Variants in PNKD observed in about 807,000 individuals in gnomAD.
The protein encoded by PNKD is probable thioesterase PNKD.
PNKD carries 36 observed loss-of-function variants against 45.3 expected under a neutral mutation model. That is an observed-to-expected ratio of 0.80 (90% CI 0.61 to 1.05). The LOEUF (loss-of-function observed/expected upper bound fraction) is 1.05, where lower values mean the gene tolerates loss of function less well. PNKD is among the 50% of genes least tolerant of loss of function. The pLI is 0.00. For synonymous variants in PNKD, 197 were observed against 210.1 expected (o/e 0.94, Z 0.54); for missense variants, 511 against 506.6 (o/e 1.01, Z -0.08).
rs372191275 is a variant in PNKD at position 218,344,926 on chromosome 2, G to A, written c.1103G>A (p.Arg368Gln). Residue 368 changes from arginine (R) to glutamine (Q), a missense_variant, in exon 10 of 10, where the codon CGG (arginine) becomes CAG (glutamine). Arg to Gln is a conservative substitution (Grantham distance 43, BLOSUM62 1). Coordinates refer to ENST00000273077, the MANE Select transcript of PNKD (RefSeq NM_015488.5). ...CCCACTGGGGATGATGACTACTCCC[G>A]GGCCCAGCTCCTGGAAGAGCTCCGC... ...PGPTGDDDYS[R>Q]AQLLEELRRL... The A allele has an allele frequency of 5.2e-5, 84 of 1,613,848 alleles. No homozygotes were observed. Among genetic ancestry groups the A allele is most frequent in the Non-Finnish European group, 5.0e-5 (59 of 1,179,948 alleles).
intron 1 of PNKD, chr2:218,271,044 G>T (rs773439009): frequency 3.1e-5 from 15 of 478,990 alleles, no homozygotes; most frequent in Non-Finnish European, 5.3e-5. Context: ...GCTAACATTT[G>T]CAGTTTCAAA....
chr2:218,307,504 G>T (rs765638127), intron 2 of PNKD, among the ~76,000 whole-genome samples: 1 of 152,108 alleles, frequency 6.6e-6, no homozygotes, highest in South Asian at 2.1e-4. Context: ...ACAATAGGGT[G>T]CGAGCTCCTA....
chr2:218,290,166 A>C (rs1692839914), intron 2 of PNKD: 1 of 152,230 alleles, frequency 6.6e-6, no homozygotes, highest in African/African-American at 2.4e-5. Context: ...TGAGTGCTGG[A>C]AACAGATGAC....
intron 2 of PNKD, among the ~76,000 whole-genome samples, chr2:218,323,007 A>T (rs1404228864): frequency 1.3e-5 from 2 of 150,536 alleles, no homozygotes; most frequent in African/African-American, 4.9e-5. Context: ...CGATCAGCGC[A>T]GGCTCGCGGC....
intron 2 of PNKD, chr2:218,282,006 C>G: frequency 6.2e-7 from 1 of 1,607,606 alleles, no homozygotes; most frequent in Non-Finnish European, 8.5e-7. Flanking sequence ...TGACCGTAGC[C>G]AGGCTGCGGG....
chr2:218,295,116 T>C (rs1431271332), intron 2 of PNKD, among the ~76,000 whole-genome samples: 1 of 152,196 alleles, frequency 6.6e-6, no homozygotes, highest in African/African-American at 2.4e-5. Flanking sequence ...TCCAGAGCCC[T>C]TTTTCTGACT....
chr2:218,297,188 G>C (rs998272996), intron 2 of PNKD, among the ~76,000 whole-genome samples: 1 of 152,196 alleles, frequency 6.6e-6, no homozygotes, highest in Non-Finnish European at 1.5e-5. Context: ...TGATAGATGT[G>C]TGGGGGATAG....
intron 2 of PNKD, among the ~76,000 whole-genome samples, chr2:218,338,850 T>C (rs1347747818): frequency 6.9e-6 from 1 of 145,606 alleles, no homozygotes; most frequent in Non-Finnish European, 1.5e-5. Flanking sequence ...TGGAGTACAG[T>C]GGTGCAATCA....
At chr2:218,270,913 T>A in intron 1 of PNKD, 1 of 361,200 alleles carries the variant, frequency 2.8e-6, no homozygotes, top group Non-Finnish European at 5.0e-6. Context: ...GAGGTTTGAG[T>A]TCCAGCCCCG....
intron 2 of PNKD, among the ~76,000 whole-genome samples, chr2:218,335,153 T>C (rs79745234): frequency 6.7e-6 from 1 of 149,226 alleles, no homozygotes; most frequent in African/African-American, 2.4e-5. Context: ...CCCATCTCTT[T>C]AAAAAATAAA....
intron 2 of PNKD, among the ~76,000 whole-genome samples, chr2:218,299,590 A>T: frequency 6.6e-6 from 1 of 150,550 alleles, no homozygotes; most frequent in Non-Finnish European, 1.5e-5. Flanking sequence ...GACCACAGGC[A>T]CACACCACTG....
Position 218,340,824 on chromosome 2 carries a change from C to A in PNKD, c.524+38C>A. 1 of 1,577,676 alleles carries A rather than the reference C, an allele frequency of 6.3e-7. No individual in the cohort carries two copies. The highest frequency in any genetic ancestry group is 8.7e-7 in the Non-Finnish European group (1 of 1,146,846). On this transcript the variant is annotated intron_variant, in intron 5 of 9. Transcript: ENST00000273077. This position sits in a 1 kb window ranked among gnomAD's most constrained non-coding sequence, Gnocchi z 4.2. ...CGTCTTCCCTGGCCCACCCTTGTCC[C>A]AGCTGGGCTTGCCAGGACTGGGCCC...
rs1694800881 is a variant in PNKD at position 218,345,250 on chromosome 2, C to T, written c.*269C>T. On this transcript the variant is annotated 3_prime_UTR_variant, in exon 10 of 10. Coordinates refer to ENST00000273077, the MANE Select transcript of PNKD (RefSeq NM_015488.5). ...GAGGGGTCTCGGGACATCTCCAGAC[C>T]CTACCAACTGGGAGGGTCCCCTCCT... 1 of 452,866 alleles carries T rather than the reference C, an allele frequency of 2.2e-6. No individual in the cohort carries two copies. The allele number at this position is 452,866 out of a possible 1,614,324, so 28.1% of individuals were successfully genotyped here.
chr2:218,274,980 G>A (rs1574621703), intron 2 of PNKD: 1 of 153,404 alleles, frequency 6.5e-6, no homozygotes, highest in Admixed American at 6.5e-5. Context: ...CAAGCCAAAG[G>A]AATACAGGAT....
intron 2 of PNKD, chr2:218,279,308 T>C (rs1691603375): frequency 1.3e-6 from 2 of 1,588,536 alleles, no homozygotes; most frequent in Non-Finnish European, 1.7e-6. Context: ...AAGATAGCAA[T>C]GATGGCCACA....
intron 2 of PNKD, among the ~76,000 whole-genome samples, chr2:218,281,584 A>G (rs1440021823): frequency 2.0e-5 from 3 of 152,240 alleles, no homozygotes; most frequent in Admixed American, 6.5e-5. Context: ...GGAAGTCGAC[A>G]GGTCTGGGAG....
Position 218,328,796 on chromosome 2 carries a change from C to T in PNKD, c.237-10987C>T, listed in dbSNP as rs146616675. ...GCCCGGCCTCCTCAGTCAAAATGAA[C>T]CTCTGTCTCCAGACCGCCCCCAGCA... On this transcript the variant is annotated intron_variant, in intron 2 of 9. Coordinates refer to ENST00000273077, the MANE Select transcript of PNKD (RefSeq NM_015488.5). 2.9e-3 allele frequency among the ~76,000 whole-genome samples: 446 copies of T among 152,340 alleles called. 6 individuals are homozygous for T. The highest frequency in any genetic ancestry group is 0.01 in the African/African-American group (424 of 41,580).
chr2:218,333,328 C>T (rs909901412), intron 2 of PNKD, among the ~76,000 whole-genome samples: 9 of 152,192 alleles, frequency 5.9e-5, no homozygotes, highest in African/African-American at 9.7e-5. Context: ...AGTCCCTGCC[C>T]GCACAGATCT....
At chr2:218,307,230 C>T (rs1442781298) in intron 2 of PNKD, among the ~76,000 whole-genome samples, 2 of 151,982 alleles carry the variant, frequency 1.3e-5, no homozygotes, top group Non-Finnish European at 2.9e-5. Context: ...TTTCCAGGGA[C>T]TGGGGGAGGC....
Sources: allele counts gnomAD v4.1 joint callset (sites outside exome capture counted in the v4.1 genomes callset), GRCh38; gene constraint gnomAD v4.1.1; non-coding constraint Gnocchi (gnomAD v3.1); transcripts MANE v1.5; gene names NCBI Gene and HGNC (gene_info 2026-07-23, HGNC 2026-07-21).